ADCY4: variants seen among roughly 807,000 people sequenced by gnomAD.
The protein encoded by ADCY4 is adenylate cyclase 4.
In ADCY4, 111 loss-of-function variants were observed where a neutral mutation model predicts 125.5. The observed-to-expected ratio is 0.88, with a 90% confidence interval of 0.76 to 1.04. ADCY4 has a LOEUF of 1.04. Ranked by LOEUF, ADCY4 falls within the 50% of genes least tolerant of loss-of-function variation. The pLI is 0.00. For synonymous variants in ADCY4, 576 were observed against 586.9 expected, an observed-to-expected ratio of 0.98 and a Z score of 0.27; for missense variants, 1,256 against 1,382.9, an observed-to-expected ratio of 0.91 and a Z score of 1.46.
chr14:24,329,554 G>A (rs1183731292), intron 8 of ADCY4, 21 bp from the exon 9 acceptor site: 3 of 1,508,630 alleles, frequency 2.0e-6, no homozygotes. Context: ...GGAGGCAGTA[G>A]GGGTCAGCAG....
Position 24,323,989 on chromosome 14 carries a change from AG to A in ADCY4, c.2046+72del, listed in dbSNP as rs1594654196. On this transcript the variant is annotated intron_variant, in intron 16 of 24. Coordinates refer to ENST00000418030, the MANE Select transcript of ADCY4 (RefSeq NM_001198568.2). Reference sequence around the variant, plus strand: ...TTAGTCCAGCTGCCTGCCCAAATCCAGGGGTTCCCTTTCAGTCCCTGGCAGG... The same window carrying A: ...TTAGTCCAGCTGCCTGCCCAAATCCAGGGTTCCCTTTCAGTCCCTGGCAGG... 17 of 1,551,746 alleles carry A rather than the reference AG, an allele frequency of 1.1e-5. No individual in the cohort carries two copies. The East Asian group carries it at 3.8e-4, about 35-fold the overall frequency.
At position 24,324,162 on chromosome 14, in the gene ADCY4, A is replaced by G. The variant is rs2041901831; in HGVS notation, c.1946T>C (p.Leu649Pro). The G allele has an allele frequency of 9.3e-6, 15 of 1,614,252 alleles. No homozygotes were observed. Among genetic ancestry groups the G allele is most frequent in the Non-Finnish European group, 1.3e-5 (15 of 1,180,032 alleles). Reference protein sequence around the residue: ...VLKGPKMLHWLPALSGLVATR... With the variant: ...VLKGPKMLHWPPALSGLVATR... ...GGCCACCAGGCCAGACAGTGCAGGCAGCCAGTGCAGCATCTTGGGGCCTTT... is the reference window on the plus strand; with the variant it reads ...GGCCACCAGGCCAGACAGTGCAGGCGGCCAGTGCAGCATCTTGGGGCCTTT... The change falls in exon 16 of 25, where the codon CTG becomes CCG. Residue 649 changes from leucine to proline, a missense_variant. Transcript: ENST00000418030.
chr14:24,321,929 C>T lies in ADCY4; in HGVS notation c.2586+137G>A, dbSNP rs2041857639. ...GAAAGAATCTAAGATGTTGTGAAAA[C>T]AAAGACGCTTGACAAGCACAAGGGC... On this transcript the variant is annotated intron_variant, in intron 20 of 24. Transcript: ENST00000418030. The T allele has an allele frequency of 5.0e-6, 7 of 1,405,578 alleles. 1 individual carries two copies. The highest frequency in any genetic ancestry group is 3.8e-5 in the South Asian group (2 of 51,988). The allele number at this position is 1,405,578 out of a possible 1,614,324, so 87.1% of individuals were successfully genotyped here. A position where few individuals can be genotyped will look rare whatever the true frequency, so the allele number is the denominator to read the frequency against.
At chr14:24,333,886 C>T (rs984626651) in intron 1 of ADCY4, among the ~76,000 whole-genome samples, 1 of 152,158 alleles carries the variant, frequency 6.6e-6, no homozygotes, top group African/African-American at 2.4e-5. Flanking sequence ...GCTGCACAGC[C>T]GTCCCAGCAT....
chr14:24,325,490 C>T lies in ADCY4; in HGVS notation c.1726-16G>A, dbSNP rs1474945082. ...AGAGTCGGTACTGAAAGTGAGAGGG[C>T]CAGAGGTGGAGACAGGGTCCAGTGC... On this transcript the variant is annotated splice_polypyrimidine_tract_variant and intron_variant, in intron 13 of 24. Transcript: ENST00000418030. The T allele has an allele frequency of 1.2e-6, 2 of 1,603,850 alleles. No homozygotes were observed. The highest frequency in any genetic ancestry group is 1.1e-5 in the South Asian group (1 of 90,856).
intron 20 of ADCY4, among the ~76,000 whole-genome samples, chr14:24,321,546 A>C (rs1429978401): frequency 6.6e-6 from 1 of 152,242 alleles, no homozygotes; most frequent in Non-Finnish European, 1.5e-5. Context: ...TTTAATGGCA[A>C]AAACTGCGAT....
Position 24,329,407 on chromosome 14 carries a change from A to G in ADCY4, c.1344T>C (p.Asp448=), listed in dbSNP as rs1447910137. The change falls in exon 9 of 25, where the codon GAT becomes GAC. Residue 448 remains aspartate, a synonymous_variant. Transcript: ENST00000418030. ...ELGEPTYLVI[D]PRAEEEDEKG... ...GTCTGGGCTGGGCTTTTACCCGTGG[A>G]TCGATGACCAGATAGGTAGGCTCCC... 6.4e-7 allele frequency: 1 copy of G among 1,552,698 alleles called. No individual in the cohort carries two copies. The highest frequency in any genetic ancestry group is 8.7e-7 in the Non-Finnish European group (1 of 1,154,172).
rs770476643 is a variant in ADCY4, at chr14:24,331,917, C to G, written c.540G>C (p.Leu180=). The G allele has an allele frequency of 6.4e-7, 1 of 1,573,196 alleles. No individual in the cohort carries two copies. The highest frequency in any genetic ancestry group is 1.1e-5 in the South Asian group (1 of 88,742). The change falls in exon 4 of 25, where the codon CTG becomes CTC. Residue 180 remains leucine (L), a synonymous_variant. Coordinates refer to ENST00000418030, the MANE Select transcript of ADCY4 (RefSeq NM_001198568.2). ...LLPQLAANAV[L]FLCGNVAGVY... is the part of the protein sequence containing the mutation. ...CTCCTGCCACGTTCCCGCACAGGAACAGCACTGCGTTTGCTGCCAACTGTG... is the reference window on the plus strand; with the variant it reads ...CTCCTGCCACGTTCCCGCACAGGAAGAGCACTGCGTTTGCTGCCAACTGTG...
chr14:24,330,474 G>T lies in ADCY4; in HGVS notation c.931-179C>A. Reference sequence around the variant, plus strand: ...TATGGGGCTAACTGTCTTTCATACAGATCTCTTTCTCAGAAGAGTTTCCCC... The same window carrying T: ...TATGGGGCTAACTGTCTTTCATACATATCTCTTTCTCAGAAGAGTTTCCCC... On this transcript the variant is annotated intron_variant, in intron 6 of 24. Coordinates refer to ENST00000418030, the MANE Select transcript of ADCY4 (RefSeq NM_001198568.2). The T allele has an allele frequency of 3.7e-6, 3 of 813,678 alleles. No homozygotes were observed. In the South Asian group the frequency reaches 5.7e-5, roughly 16 times the overall value. The allele number at this position is 813,678 out of a possible 1,614,324, so 50.4% of individuals were successfully genotyped here.
At chr14:24,330,480 T>G in intron 6 of ADCY4, 185 bp from the exon 7 acceptor site, 2 of 784,482 alleles carry the variant, frequency 2.5e-6, no homozygotes, top group Non-Finnish European at 3.9e-6. Flanking sequence ...TACAGATCTC[T>G]TTCTCAGAAG....
At chr14:24,334,251 GT>G (rs1371826866) in intron 1 of ADCY4, among the ~76,000 whole-genome samples, 1 of 152,190 alleles carries the variant, frequency 6.6e-6, no homozygotes. Context: ...GACCACGGAT[GT>G]TCATAAAGTC....
At chr14:24,331,471 C>T in intron 4 of ADCY4, 115 bp from the exon 5 acceptor site, 1 of 1,422,172 alleles carries the variant, frequency 7.0e-7, no homozygotes, top group Non-Finnish European at 9.5e-7. Context: ...CAGGGTGCTC[C>T]CCCAGGTCCT....
chr14:24,328,233 G>C (rs1211855304), intron 10 of ADCY4, among the ~76,000 whole-genome samples: 1 of 99,822 alleles, frequency 1.0e-5, no homozygotes, highest in African/African-American at 4.4e-5. Flanking sequence ...AAGCGGGGTG[G>C]GGGGGGGGGT....
chr14:24,331,775 A>T lies in ADCY4; in HGVS notation c.669+13T>A, dbSNP rs1452208796. 6.4e-7 allele frequency: 1 copy of T among 1,565,804 alleles called. No homozygotes were observed. Among genetic ancestry groups the T allele is most frequent in the Middle Eastern group, 1.7e-4 (1 of 5,830 alleles). On this transcript the variant is annotated intron_variant, in intron 4 of 24. Transcript: ENST00000418030. ...CTCGGAGCGCTGCTCTGACCTTCCT[A>T]GGCCCGGCTGACCTGGTGCTTCTTC...
intron 20 of ADCY4, 35 bp downstream of exon 20, chr14:24,322,031 A>G: frequency 6.3e-7 from 1 of 1,587,104 alleles, no homozygotes; most frequent in Non-Finnish European, 8.6e-7. Flanking sequence ...GCCCTATGGC[A>G]TCCGTGGCTC....
At position 24,318,940 on chromosome 14, in the gene ADCY4, C is replaced by T. The variant is rs911146256; in HGVS notation, c.2956+158G>A. On this transcript the variant is annotated intron_variant, in intron 23 of 24. Coordinates refer to ENST00000418030, the MANE Select transcript of ADCY4 (RefSeq NM_001198568.2). ...CTTAAGAAAAAGAGTGGGAGAGCCT[C>T]GTACCTCCTTGCCCAGCACCTTCAC... The T allele has an allele frequency of 2.5e-5, 34 of 1,384,446 alleles. No individual in the cohort carries two copies. The Admixed American group carries it at 3.0e-4, about 12-fold the overall frequency. The allele number at this position is 1,384,446 out of a possible 1,614,324, so 85.8% of individuals were successfully genotyped here.
chr14:24,322,090 G>C lies in ADCY4; in HGVS notation c.2562C>G (p.Phe854Leu). 2 of 1,613,914 alleles carry C rather than the reference G, an allele frequency of 1.2e-6. No individual in the cohort carries two copies. Among genetic ancestry groups the C allele is most frequent in the Non-Finnish European group, 1.7e-6 (2 of 1,179,792 alleles). ...CCTCGTTGCGCCGGTTCTGGCCAAT[G>C]AACTGGGGGGCCACGTGTGCAGGGA... Reference protein sequence around the residue: ...NVLPAHVAPQFIGQNRRNEDL... With the variant: ...NVLPAHVAPQLIGQNRRNEDL... The change falls in exon 20 of 25, where the codon TTC becomes TTG. Residue 854 changes from phenylalanine to leucine, a missense_variant. Physicochemically the swap from Phe to Leu is conservative, Grantham distance 22. Transcript: ENST00000418030.
chr14:24,332,754 G>C (rs74938056), intron 2 of ADCY4, 37 bp downstream of exon 2: 38,714 of 1,531,802 alleles, frequency 0.025, 1,809 homozygotes, highest in East Asian at 0.21. Flanking sequence ...ATCGAAGCCC[G>C]GGCCGTCCCC....
In ADCY4 at chr14:24,325,441, A is replaced by G. The variant is rs756402790; in HGVS notation, c.1759T>C (p.Tyr587His). The change falls in exon 14 of 25, where the codon TAT becomes CAT. Residue 587 changes from tyrosine to histidine, a missense_variant. Transcript: ENST00000418030. Reference protein sequence around the residue: ...RLSAIPAFKYYEACTFLVFLS... With the variant: ...RLSAIPAFKYHEACTFLVFLS... ...AAAACCAGGAAGGTGCAGGCTTCAT[A>G]GTATTTGAAGGCGGGGATTGCAGAG... 1 of 1,613,838 alleles carries G rather than the reference A, an allele frequency of 6.2e-7. No homozygotes were observed. The highest frequency in any genetic ancestry group is 1.3e-5 in the African/African-American group (1 of 74,810).
Sources: allele counts gnomAD v4.1 joint callset (sites outside exome capture counted in the v4.1 genomes callset), GRCh38; gene constraint gnomAD v4.1.1; transcripts MANE v1.5; gene names NCBI Gene and HGNC (gene_info 2026-07-23, HGNC 2026-07-21).